The following KCNN2 variants were observed in gnomAD, a reference collection of about 807,000 sequenced individuals.
KCNN2 encodes the protein small conductance calcium-activated potassium channel protein 2.
Under a neutral mutation model 55.5 loss-of-function variants are expected in KCNN2, and 24 were observed. The observed-to-expected ratio is 0.43, with a 90% CI of 0.31 to 0.61. The LOEUF is 0.61. KCNN2 is among the 20% of genes least tolerant of loss of function. The pLI is 0.08. For missense variants in KCNN2, 754 were observed against 853.6 expected (o/e 0.88, Z 1.45); for synonymous variants, 431 against 336.1 (o/e 1.28, Z -3.09).
At chr5:114,142,200 C>G (rs964526388) in intron 1 of KCNN2, among the ~76,000 whole-genome samples, 3 of 152,102 alleles carry the variant, frequency 2.0e-5, no homozygotes, top group African/African-American at 7.2e-5. Context: ...ACATGAAGTC[C>G]TTGTCCATGC....
chr5:114,399,351 A>G (rs1259880254), intron 2 of KCNN2, among the ~76,000 whole-genome samples: 3 of 152,218 alleles, frequency 2.0e-5, no homozygotes, highest in Admixed American at 1.3e-4. Flanking sequence ...ATCTATTGAG[A>G]TGATCATGTG....
chr5:114,326,498 G>C (rs1009790757), intron 2 of KCNN2, among the ~76,000 whole-genome samples: 2 of 152,150 alleles, frequency 1.3e-5, no homozygotes, highest in African/African-American at 4.8e-5. Context: ...CAGATAGGGA[G>C]TGCCATGGCC....
chr5:114,109,348 A>T (rs1481458125), intron 1 of KCNN2, among the ~76,000 whole-genome samples: 1 of 152,126 alleles, frequency 6.6e-6, no homozygotes. Context: ...CTTATGTAAC[A>T]TACTCAAGGA....
At chr5:114,243,045 A>G (rs79479981) in intron 2 of KCNN2, among the ~76,000 whole-genome samples, 2,160 of 152,248 alleles carry the variant, frequency 0.014, 50 homozygotes, top group African/African-American at 0.048. Context: ...CTTATATTCT[A>G]GTGGGGATGT....
chr5:114,364,390 G>C (rs760263235), intron 2 of KCNN2, among the ~76,000 whole-genome samples: 13 of 152,080 alleles, frequency 8.5e-5, no homozygotes, highest in Admixed American at 1.3e-4. Context: ...ATGGGAGATT[G>C]TATCTATCTA....
chr5:114,178,497 A>G (rs950090461), intron 1 of KCNN2, among the ~76,000 whole-genome samples: 25 of 152,216 alleles, frequency 1.6e-4, no homozygotes, highest in African/African-American at 5.8e-4. Flanking sequence ...GAAGATTATC[A>G]GAAACTGTAG....
chr5:114,189,274 C>T (rs1753401708), intron 1 of KCNN2, among the ~76,000 whole-genome samples: 1 of 151,950 alleles, frequency 6.6e-6, no homozygotes, highest in African/African-American at 2.4e-5. Flanking sequence ...ATGGTACAAA[C>T]CCAGTCTGTG....
At chr5:114,299,955 C>T (rs1756118012) in intron 2 of KCNN2, among the ~76,000 whole-genome samples, 1 of 152,032 alleles carries the variant, frequency 6.6e-6, no homozygotes. Flanking sequence ...ATTCAGAAGT[C>T]ATCTCCAACC....
chr5:114,209,574 C>T (rs976671650), intron 1 of KCNN2, among the ~76,000 whole-genome samples: 4 of 151,902 alleles, frequency 2.6e-5, no homozygotes, highest in African/African-American at 9.7e-5. Context: ...CCTAAGAAAA[C>T]TGGAAAAAAT....
chr5:114,392,864 C>CT (rs796483208), intron 2 of KCNN2, among the ~76,000 whole-genome samples: 113 of 143,760 alleles, frequency 7.9e-4, no homozygotes, highest in Middle Eastern at 7.2e-3. Flanking sequence ...AGGAAGGAGG[C>CT]TTTTTTTTTG....
intron 2 of KCNN2, among the ~76,000 whole-genome samples, chr5:114,293,347 T>C (rs1254144246): frequency 3.9e-5 from 6 of 152,286 alleles, no homozygotes; most frequent in Middle Eastern, 6.8e-3. Context: ...ATAGCTCTTA[T>C]TATTTTGAGA....
chr5:114,401,205 G>A (rs1470927389), intron 2 of KCNN2, among the ~76,000 whole-genome samples: 1 of 151,456 alleles, frequency 6.6e-6, no homozygotes, highest in Non-Finnish European at 1.5e-5. Context: ...TATATGCTAT[G>A]ATAAAAAAAA....
chr5:114,232,343 C>T (rs1246286932), intron 2 of KCNN2, among the ~76,000 whole-genome samples: 1 of 151,030 alleles, frequency 6.6e-6, no homozygotes, highest in African/African-American at 2.5e-5. Context: ...AATTAATGGT[C>T]CATCTTAAAT....
At chr5:114,304,194 A>G (rs1331460965) in intron 2 of KCNN2, among the ~76,000 whole-genome samples, 7 of 152,212 alleles carry the variant, frequency 4.6e-5, no homozygotes, top group Admixed American at 4.6e-4. Context: ...TAGAGCCAAC[A>G]TAGCGGGCCA....
exon 1 of KCNN2, chr5:114,056,346 T>G: frequency 2.5e-6 from 1 of 398,574 alleles, no homozygotes; most frequent in Non-Finnish European, 4.4e-6. Context: ...CTGATTCTTC[T>G]CAGATGGAAA....
intron 3 of KCNN2, among the ~76,000 whole-genome samples, chr5:114,429,464 C>T (rs997167568): frequency 3.3e-5 from 5 of 151,894 alleles, no homozygotes; most frequent in African/African-American, 4.8e-5. Context: ...AATGTGGTGC[C>T]GTTCAGATCT....
At chr5:114,093,850 G>C (rs1463594207) in intron 1 of KCNN2, among the ~76,000 whole-genome samples, 1 of 152,146 alleles carries the variant, frequency 6.6e-6, no homozygotes, top group East Asian at 1.9e-4. Context: ...TGTAATTCAA[G>C]ATGAGATTTG....
intron 2 of KCNN2, among the ~76,000 whole-genome samples, chr5:114,386,635 A>G (rs892303758): frequency 2.6e-5 from 4 of 152,064 alleles, no homozygotes; most frequent in Non-Finnish European, 5.9e-5. Context: ...CAGAATTTAA[A>G]AATTCCCACC....
intron 4 of KCNN2, 44 bp from the exon 5 acceptor site, chr5:114,473,010 G>GTAGT (rs773690065): frequency 8.7e-7 from 1 of 1,147,320 alleles, no homozygotes; most frequent in East Asian, 2.4e-5. Flanking sequence ...GAGACAGAAA[G>GTAGT]TAGTTAGTAA....
Sources: gnomAD v4.1 joint callset for allele counts (sites outside exome capture counted in the v4.1 genomes callset) on GRCh38, gnomAD v4.1.1 for gene constraint, MANE v1.5 for transcripts, NCBI Gene and HGNC (gene_info 2026-07-23, HGNC 2026-07-21) for gene names.